Variants in CAPN3 observed in about 807,000 individuals in gnomAD.
The protein encoded by CAPN3 is calpain 3.
Under a neutral mutation model 114.0 loss-of-function variants are expected in CAPN3, and 88 were observed. That is an observed-to-expected ratio of 0.77 (90% CI 0.65 to 0.92). The LOEUF is 0.92. Ranked by LOEUF, CAPN3 falls within the 40% of genes least tolerant of loss-of-function variation. The pLI, the probability that CAPN3 is intolerant of heterozygous loss-of-function variation, is 0.00. For synonymous variants in CAPN3, 386 were observed against 382.9 expected (o/e 1.01, Z -0.09); for missense variants, 1,028 against 1,069.0 (o/e 0.96, Z 0.53).
intron 1 of CAPN3, among the ~76,000 whole-genome samples, chr15:42,381,866 G>A (rs534828640): frequency 2.5e-4 from 38 of 152,234 alleles, no homozygotes; most frequent in African/African-American, 8.9e-4. Flanking sequence ...TACAAATAAC[G>A]AAATACTGAC....
Position 42,387,816 on chromosome 15 carries a change from C to T in CAPN3, c.562C>T (p.Gln188Ter), listed in dbSNP as rs1385069649. Residue 188 changes from glutamine to a stop codon, truncating the protein, a stop_gained, in exon 4 of 24, where the codon CAA becomes TAA. Transcript: ENST00000397163. LOFTEE classifies it high-confidence loss of function. ...TGACTGCCTGCCAACGTACAACAAT[C>T]AACTGGTTTTCACCAAGTCCAACCA... ...IDDCLPTYNN[Q>*]LVFTKSNHRN... 6.2e-7 allele frequency: 1 copy of T among 1,614,054 alleles called. No individual in the cohort carries two copies. Among genetic ancestry groups the T allele is most frequent in the African/African-American group, 1.3e-5 (1 of 74,942 alleles).
At chr15:42,366,319 C>T (rs1245321806) in intron 1 of CAPN3, among the ~76,000 whole-genome samples, 1 of 152,162 alleles carries the variant, frequency 6.6e-6, no homozygotes, top group East Asian at 1.9e-4. Flanking sequence ...ATGGACCCAG[C>T]CACACCGGCT....
intron 1 of CAPN3, among the ~76,000 whole-genome samples, chr15:42,366,326 G>A (rs1197913503): frequency 1.3e-5 from 2 of 151,918 alleles, no homozygotes; most frequent in East Asian, 3.9e-4. Context: ...CAGCCACACC[G>A]GCTGGTTTTT....
intron 1 of CAPN3, among the ~76,000 whole-genome samples, chr15:42,372,832 A>C (rs1056790232): frequency 4.0e-5 from 6 of 151,272 alleles, no homozygotes; most frequent in African/African-American, 1.2e-4. Context: ...TGGGTGACAG[A>C]GGGACACTCC....
At chr15:42,402,354 GACACTGCACGTCACAC>G in intron 12 of CAPN3, 1 of 1,473,982 alleles carries the variant, frequency 6.8e-7, no homozygotes, top group Non-Finnish European at 8.9e-7. Flanking sequence ...CCTCGCACCA[GACACTGCACGTCACAC>G]ACATGCCTTT....
intron 20 of CAPN3, 44 bp downstream of exon 20, chr15:42,410,540 T>C: frequency 1.2e-6 from 2 of 1,611,276 alleles, no homozygotes; most frequent in Non-Finnish European, 8.5e-7. Context: ...ATGGGGTTGA[T>C]TTGGAGATTC....
rs140425651 is a variant in CAPN3 at position 42,409,951 on chromosome 15, G to C, written c.2071G>C (p.Gly691Arg). The change falls in exon 19 of 24, where the codon GGG becomes CGG. Residue 691 changes from glycine to arginine, a missense_variant. Coordinates refer to ENST00000397163, the MANE Select transcript of CAPN3 (RefSeq NM_000070.3). The part of the protein sequence containing the change: ...VNKHKDLKTH[G>R]FTLESCRSMI... ...CCCAGACAAGGACCTGAAGACACAC[G>C]GGTTCACACTGGAGTCCTGCCGTAG... 10 of 1,612,362 alleles carry C rather than the reference G, an allele frequency of 6.2e-6. No individual in the cohort carries two copies. The highest frequency in any genetic ancestry group is 7.6e-6 in the Non-Finnish European group (9 of 1,179,920).
rs371912707 is a variant in CAPN3 at position 42,410,516 on chromosome 15, C to T, written c.2184+20C>T. Reference sequence around the variant, plus strand: ...TGGCAGGTGGGAAGAGAAAATGAAGCGTGGGAGTCAAGAATGGGGTTGATT... The same window carrying T: ...TGGCAGGTGGGAAGAGAAAATGAAGTGTGGGAGTCAAGAATGGGGTTGATT... On this transcript the variant is annotated intron_variant, in intron 20 of 23. Coordinates refer to ENST00000397163, the MANE Select transcript of CAPN3 (RefSeq NM_000070.3). 1.8e-5 allele frequency: 29 copies of T among 1,612,992 alleles called. No homozygotes were observed. Among genetic ancestry groups the T allele is most frequent in the African/African-American group, 5.3e-5 (4 of 74,846 alleles).
chr15:42,405,480 T>C (rs1033188392), intron 14 of CAPN3, among the ~76,000 whole-genome samples: 1 of 152,004 alleles, frequency 6.6e-6, no homozygotes, highest in Non-Finnish European at 1.5e-5. Context: ...CTGGATAATT[T>C]TTGTATTTTT....
chr15:42,370,982 T>C (rs1200598752), intron 1 of CAPN3, among the ~76,000 whole-genome samples: 1 of 152,214 alleles, frequency 6.6e-6, no homozygotes, highest in Non-Finnish European at 1.5e-5. Flanking sequence ...AGGCAAATTA[T>C]TGACCATTCC....
chr15:42,361,128 T>C (rs1422068904), intron 1 of CAPN3, among the ~76,000 whole-genome samples: 1 of 152,168 alleles, frequency 6.6e-6, no homozygotes, highest in Non-Finnish European at 1.5e-5. Context: ...GAGGAAATGA[T>C]GACAAGCTGA....
chr15:42,372,623 G>A (rs372970845), intron 1 of CAPN3, among the ~76,000 whole-genome samples: 3 of 151,896 alleles, frequency 2.0e-5, no homozygotes, highest in East Asian at 1.9e-4. Flanking sequence ...CGAAGCAGGC[G>A]GATTACCTGA....
Position 42,360,109 on chromosome 15 carries a change from C to A in CAPN3, c.304C>A (p.Pro102Thr). The change falls in exon 1 of 24, where the codon CCT (proline) becomes ACT (threonine). Residue 102 changes from proline (P) to threonine (T), a missense_variant. Transcript: ENST00000397163. ...CCCCATCCAGTTCGTCTGGAAGAGACCTCCGGTGAGTAGCTTCCTGCTTGC... is the reference window on the plus strand; with the variant it reads ...CCCCATCCAGTTCGTCTGGAAGAGAACTCCGGTGAGTAGCTTCCTGCTTGC... The part of the protein sequence containing the change: ...KFPIQFVWKR[P>T]PEICENPRFI... 1 of 1,614,162 alleles carries A rather than the reference C, an allele frequency of 6.2e-7. No individual in the cohort carries two copies. The highest frequency in any genetic ancestry group is 1.1e-5 in the South Asian group (1 of 91,086).
chr15:42,394,785 G>C (rs1231183787), intron 8 of CAPN3, among the ~76,000 whole-genome samples: 1 of 152,162 alleles, frequency 6.6e-6, no homozygotes, highest in Non-Finnish European at 1.5e-5. Flanking sequence ...TCCCTTACCC[G>C]TGCTGTCCCT....
At chr15:42,405,495 C>T (rs1438658768) in intron 14 of CAPN3, among the ~76,000 whole-genome samples, 1 of 151,926 alleles carries the variant, frequency 6.6e-6, no homozygotes, top group East Asian at 1.9e-4. Context: ...ATTTTTTAGT[C>T]GAGATGGGGT....
At chr15:42,402,712 A>G in intron 12 of CAPN3, 82 bp from the exon 13 acceptor site, 1 of 1,583,160 alleles carries the variant, frequency 6.3e-7, no homozygotes, top group Non-Finnish European at 8.7e-7. Context: ...GGAGTTGGGA[A>G]GGGACCCTTG....
chr15:42,401,485 C>CCT lies in CAPN3; in HGVS notation c.1355-155_1355-154insTC, dbSNP rs3036710. 0.029 allele frequency among the ~76,000 whole-genome samples: 3,673 copies of CCT among 126,872 alleles called. 265 individuals carry two copies. Among genetic ancestry groups the CCT allele is most frequent in the African/African-American group, 0.075 (2,393 of 31,766 alleles). 83.2% of individuals were successfully genotyped at this position (126,872 alleles called of 152,430 possible). ...GAATAAAGGTAGCGCCCCCCCCCCC[C>CCT]CCAAATCATTAGAGAAATGCCTGAA... On this transcript the variant is annotated intron_variant, in intron 10 of 23. Coordinates refer to ENST00000397163, the MANE Select transcript of CAPN3 (RefSeq NM_000070.3).
At chr15:42,389,181 G>T in intron 5 of CAPN3, 85 bp downstream of exon 5, 1 of 1,296,412 alleles carries the variant, frequency 7.7e-7, no homozygotes, top group South Asian at 1.2e-5. Context: ...TAGAGCTTTT[G>T]TGTGGGACAG....
In CAPN3 at chr15:42,411,279, T is replaced by C. The variant is rs1338002399; in HGVS notation, c.2381-8T>C. ...TAACTGGCCTCTGGCCTGTGCATTC[T>C]TTCACAGGAGCTTTTCATGCATTTG... On this transcript the variant is annotated splice_region_variant and splice_polypyrimidine_tract_variant and intron_variant, in intron 22 of 23. Coordinates refer to ENST00000397163, the MANE Select transcript of CAPN3 (RefSeq NM_000070.3). 6.2e-7 allele frequency: 1 copy of C among 1,613,454 alleles called. No homozygotes were observed.
Sources: allele counts gnomAD v4.1 joint callset (sites outside exome capture counted in the v4.1 genomes callset), GRCh38; gene constraint gnomAD v4.1.1; transcripts MANE v1.5; gene names NCBI Gene and HGNC (gene_info 2026-07-23, HGNC 2026-07-21).